Variants in MMP1 observed in about 807,000 individuals in gnomAD.
The protein encoded by MMP1 is matrix metallopeptidase 1, also known as interstitial collagenase.
A neutral mutation model predicts 49.6 loss-of-function variants in MMP1; 51 were observed. The ratio of observed to expected loss-of-function variants is 1.03; its 90% CI spans 0.82 to 1.30. The LOEUF (loss-of-function observed/expected upper bound fraction) is 1.30, where lower values mean the gene tolerates loss of function less well. Among genes scored for constraint, MMP1 ranks in the 50% most tolerant of loss-of-function variants. The pLI is 0.00. For missense variants in MMP1, 623 were observed against 568.7 expected, an observed-to-expected ratio of 1.10 and a Z score of -0.97; for synonymous variants, 230 against 196.8, an observed-to-expected ratio of 1.17 and a Z score of -1.41.
chr11:102,795,276 G>A lies in MMP1; in HGVS notation c.797C>T (p.Pro266Leu). ...GGTTTGTGGGCCGATGGGCTGGACA[G>A]GATTTTGGGAACGTCCTAAGGAAAA... ...IQAIYGRSQN[P>L]VQPIGPQTPK... is the part of the protein sequence containing the mutation. The change falls in exon 6 of 10, where the codon CCT (proline) becomes CTT (leucine). Residue 266 changes from proline (P) to leucine (L), a missense_variant. Transcript: ENST00000315274. 1.2e-6 allele frequency: 2 copies of A among 1,614,046 alleles called. No homozygotes were observed. The highest frequency in any genetic ancestry group is 1.7e-6 in the Non-Finnish European group (2 of 1,179,996).
chr11:102,797,593 T>G, intron 1 of MMP1, 93 bp from the exon 2 acceptor site: 1 of 1,486,298 alleles, frequency 6.7e-7, no homozygotes, highest in Non-Finnish European at 9.1e-7. Context: ...AACAGAGAAC[T>G]GCTTTTAAAC....
chr11:102,792,772 T>C lies in MMP1; in HGVS notation c.900-34A>G, dbSNP rs7125062. 0.29 allele frequency: 468,811 copies of C among 1,594,966 alleles called. 73,860 individuals carry two copies. Among genetic ancestry groups the C allele is most frequent in the East Asian group, 0.67 (30,167 of 44,716 alleles). On this transcript the variant is annotated intron_variant, in intron 6 of 9. Coordinates refer to ENST00000315274, the MANE Select transcript of MMP1 (RefSeq NM_002421.4). Reference sequence around the variant, plus strand: ...AAAAAAAGCAAGAAAAGTTTCCATCTAATTTCTGGTAATCTCTGGCAGATA... The same window carrying C: ...AAAAAAAGCAAGAAAAGTTTCCATCCAATTTCTGGTAATCTCTGGCAGATA...
Position 102,792,758 on chromosome 11 carries a change from GAA to G in MMP1, c.900-22_900-21del, listed in dbSNP as rs765414728. 3.7e-6 allele frequency: 6 copies of G among 1,604,482 alleles called. No homozygotes were observed. The highest frequency in any genetic ancestry group is 2.2e-5 in the South Asian group (2 of 89,170). On this transcript the variant is annotated intron_variant, in intron 6 of 9. Coordinates refer to ENST00000315274, the MANE Select transcript of MMP1 (RefSeq NM_002421.4). ...TAGAATCTGATTAGAAAAAAAGCAA[GAA>G]AAGTTTCCATCTAATTTCTGGTAAT...
chr11:102,790,472 T>C lies in MMP1; in HGVS notation c.1350A>G (p.Lys450=). Reference sequence around the variant, plus strand: ...TCTGGAGAGTCAAAATTCTCTTCGTTTTAGGATCAAATTTGTATTGTCTTG... The same window carrying C: ...TCTGGAGAGTCAAAATTCTCTTCGTCTTAGGATCAAATTTGTATTGTCTTG... ...HGTRQYKFDP[K]TKRILTLQKA... The change falls in exon 10 of 10, where the codon AAA becomes AAG. Residue 450 remains lysine, a synonymous_variant. Coordinates refer to ENST00000315274, the MANE Select transcript of MMP1 (RefSeq NM_002421.4). 6.2e-7 allele frequency: 1 copy of C among 1,611,142 alleles called. No homozygotes were observed. The highest frequency in any genetic ancestry group is 8.5e-7 in the Non-Finnish European group (1 of 1,178,488).
intron 1 of MMP1, among the ~76,000 whole-genome samples, chr11:102,797,710 A>G (rs1038137318): frequency 6.6e-6 from 1 of 152,216 alleles, no homozygotes; most frequent in Non-Finnish European, 1.5e-5. Flanking sequence ...AGAACTTCAT[A>G]GTAGAGCAAT....
At chr11:102,797,603 C>G in intron 1 of MMP1, 103 bp from the exon 2 acceptor site, 1 of 1,433,444 alleles carries the variant, frequency 7.0e-7, no homozygotes, top group South Asian at 1.4e-5. Context: ...TGCTTTTAAA[C>G]CTTGTGTTTA....
chr11:102,791,524 C>T, intron 7 of MMP1, 29 bp from the exon 8 acceptor site: 3 of 1,610,270 alleles, frequency 1.9e-6, no homozygotes, highest in South Asian at 1.1e-5. Flanking sequence ...TGATAAAACA[C>T]TTGCCTAAGA....
intron 6 of MMP1, among the ~76,000 whole-genome samples, chr11:102,793,511 C>T (rs1208717845): frequency 6.6e-6 from 1 of 152,144 alleles, no homozygotes; most frequent in African/African-American, 2.4e-5. Context: ...CATTAGGGAT[C>T]GGCTGTGCAC....
intron 9 of MMP1, 77 bp downstream of exon 9, chr11:102,790,626 A>AT (rs1701834095): frequency 2.2e-6 from 3 of 1,360,134 alleles, no homozygotes; most frequent in Non-Finnish European, 3.1e-6. Context: ...TATTTTTGGC[A>AT]TTTGCTGTTC....
At chr11:102,797,552 C>A (rs1433625526) in intron 1 of MMP1, 52 bp from the exon 2 acceptor site, 1 of 1,599,482 alleles carries the variant, frequency 6.3e-7, no homozygotes, top group Non-Finnish European at 8.5e-7. Flanking sequence ...TCTCATTATT[C>A]TAAAAATTGA....
chr11:102,792,803 C>G lies in MMP1; in HGVS notation c.900-65G>C, dbSNP rs570743461. ...CTGGTAATCTCTGGCAGATATCCAGCTCCAGCTCCTTCTTGTTGCTGGCAC... is the reference window on the plus strand; with the variant it reads ...CTGGTAATCTCTGGCAGATATCCAGGTCCAGCTCCTTCTTGTTGCTGGCAC... On this transcript the variant is annotated intron_variant, in intron 6 of 9. Coordinates refer to ENST00000315274, the MANE Select transcript of MMP1 (RefSeq NM_002421.4). 2.0e-4 allele frequency: 294 copies of G among 1,457,796 alleles called. 2 individuals are homozygous for G. The East Asian group carries it at 6.6e-3, about 32-fold the overall frequency. 90.3% of individuals were successfully genotyped at this position (1,457,796 alleles called of 1,614,324 possible).
chr11:102,797,051 C>T lies in MMP1; in HGVS notation c.462G>A (p.Glu154=), dbSNP rs1433051492. The T allele has an allele frequency of 6.2e-7, 1 of 1,614,076 alleles. No homozygotes were observed. The highest frequency in any genetic ancestry group is 8.5e-7 in the Non-Finnish European group (1 of 1,180,010). The stretch of plus-strand genomic sequence containing the variant: ...AAGATATCATGATGTCTGCTTGACC[C>T]TCAGAGACCTTGGTGAATGTCAGAG... ...VTPLTFTKVS[E]GQADIMISFV... The change falls in exon 3 of 10, where the codon GAG becomes GAA. Residue 154 remains glutamate (E), a synonymous_variant. Coordinates refer to ENST00000315274, the MANE Select transcript of MMP1 (RefSeq NM_002421.4).
rs917352407 is a variant in MMP1, at chr11:102,796,877, C to T, written c.500-88G>A. On this transcript the variant is annotated intron_variant, in intron 3 of 9. Transcript: ENST00000315274. ...AGCATTAGCTTTGTTAAGAGGCCAA[C>T]AGACTTCCATCAACTGTGATGCAGT... The T allele has an allele frequency of 7.7e-6, 12 of 1,549,166 alleles. No homozygotes were observed. In the African/African-American group the frequency reaches 8.2e-5, roughly 11 times the overall value.
intron 7 of MMP1, among the ~76,000 whole-genome samples, chr11:102,791,826 C>A (rs974512275): frequency 6.6e-6 from 1 of 152,150 alleles, no homozygotes; most frequent in African/African-American, 2.4e-5. Flanking sequence ...TTCGGTTCTC[C>A]AGGTTTGCTC....
chr11:102,796,913 G>A lies in MMP1; in HGVS notation c.499+101C>T, dbSNP rs185030823. The stretch of plus-strand genomic sequence containing the variant: ...CAACTGTGATGCAGTTTCCCTCTTC[G>A]AGCCCATAAAATCAACATTCATCTT... On this transcript the variant is annotated intron_variant, in intron 3 of 9. Transcript: ENST00000315274. 35 of 1,531,712 alleles carry A rather than the reference G, an allele frequency of 2.3e-5. No individual in the cohort carries two copies. The East Asian group carries it at 5.7e-4, about 25-fold the overall frequency. 94.9% of individuals were successfully genotyped at this position (1,531,712 alleles called of 1,614,324 possible).
At position 102,795,606 on chromosome 11, in the gene MMP1, C is replaced by G. The variant is rs1365157313; in HGVS notation, c.627G>C (p.Glu209Asp). 1.2e-6 allele frequency: 2 copies of G among 1,604,868 alleles called. No individual in the cohort carries two copies. The highest frequency in any genetic ancestry group is 1.7e-6 in the Non-Finnish European group (2 of 1,177,444). Reference sequence around the variant, plus strand: ...GAGCTGCAACACGATGTAAGTTGTACTCTAAAAAGGCCAATAAATCAATTT... The same window carrying G: ...GAGCTGCAACACGATGTAAGTTGTAGTCTAAAAAGGCCAATAAATCAATTT... ...EDERWTNNFR[E>D]YNLHRVAAHE... The change falls in exon 5 of 10, where the codon GAG (glutamate) becomes GAC (aspartate). Residue 209 changes from glutamate (E) to aspartate (D), a missense_variant and splice_region_variant. Physicochemically the swap from Glu to Asp is conservative, Grantham distance 45. Transcript: ENST00000315274.
chr11:102,797,291 C>G lies in MMP1; in HGVS notation c.315G>C (p.Gly105=), dbSNP rs10488. Residue 105 remains glycine, a synonymous_variant, in exon 2 of 10, where the codon GGG becomes GGC. Coordinates refer to ENST00000315274, the MANE Select transcript of MMP1 (RefSeq NM_002421.4). ...GATGTGTTTGCTCCCAGCGAGGGTT[C>G]CCCTCAGTGAGGACAAACTGAGCCA... ...PDVAQFVLTE[G]NPRWEQTHLT... 1 of 1,614,110 alleles carries G rather than the reference C, an allele frequency of 6.2e-7. No individual in the cohort carries two copies. The highest frequency in any genetic ancestry group is 8.5e-7 in the Non-Finnish European group (1 of 1,180,024).
chr11:102,797,872 CAA>C lies in MMP1; in HGVS notation c.105+114_105+115del, dbSNP rs5794198. The C allele has an allele frequency of 0.29, 172,094 of 599,566 alleles. 2,981 individuals carry two copies. The highest frequency in any genetic ancestry group is 0.32 in the Non-Finnish European group (118,735 of 376,014). The allele number at this position is 599,566 out of a possible 1,614,324, so 37.1% of individuals were successfully genotyped here. On this transcript the variant is annotated intron_variant, in intron 1 of 9. Coordinates refer to ENST00000315274, the MANE Select transcript of MMP1 (RefSeq NM_002421.4). ...TTTGGGTGGAGGGTGCTGTTTCTAG[CAA>C]AAAAAAAAAAAATCTCTTTATAAGA...
rs899139017 is a variant in MMP1, at chr11:102,790,188, A to G, written c.*224T>C. On this transcript the variant is annotated 3_prime_UTR_variant, in exon 10 of 10. Transcript: ENST00000315274. ...TGGCCTATATGAATCCATAAGCCACAAACTTGACTTTTTGTACCCACCATT... is the reference window on the plus strand; with the variant it reads ...TGGCCTATATGAATCCATAAGCCACGAACTTGACTTTTTGTACCCACCATT... 2 of 363,508 alleles carry G rather than the reference A, an allele frequency of 5.5e-6. No individual in the cohort carries two copies. Among genetic ancestry groups the G allele is most frequent in the African/African-American group, 4.3e-5 (2 of 47,020 alleles). 22.5% of individuals were successfully genotyped at this position (363,508 alleles called of 1,614,324 possible).
Sources: allele counts gnomAD v4.1 joint callset (sites outside exome capture counted in the v4.1 genomes callset), GRCh38; gene constraint gnomAD v4.1.1; transcripts MANE v1.5; gene names NCBI Gene and HGNC (gene_info 2026-07-23, HGNC 2026-07-21).